ROCK2: variants seen among roughly 807,000 people sequenced by gnomAD.
ROCK2 encodes Rho associated coiled-coil containing protein kinase 2.
Under a neutral mutation model 195.1 loss-of-function variants are expected in ROCK2, and 61 were observed. The ratio of observed to expected loss-of-function variants is 0.31; its 90% CI spans 0.25 to 0.39. ROCK2 has a LOEUF of 0.39. Among genes scored for constraint, ROCK2 ranks in the 10% least tolerant of loss-of-function variants. The pLI is 1.00. For missense variants in ROCK2, 1,109 were observed against 1,637.4 expected (o/e 0.68, Z 5.57); for synonymous variants, 504 against 545.5 (o/e 0.92, Z 1.06).
chr2:11,247,127 T>C (rs114078244), intron 4 of ROCK2, among the ~76,000 whole-genome samples: 3,628 of 152,170 alleles, frequency 0.024, 50 homozygotes, highest in Non-Finnish European at 0.033. Context: ...TGTTGTGTGA[T>C]TGATTTATAG....
intron 1 of ROCK2, among the ~76,000 whole-genome samples, chr2:11,317,586 ATATATATATATATATATATATATATATT>A (rs1558388127): frequency 8.4e-5 from 1 of 11,878 alleles, no homozygotes; most frequent in Non-Finnish European, 1.7e-4. Flanking sequence ...TTATATATAT[ATATATATATATATATATATATATATATT>A]TTTTTTTTTT....
chr2:11,278,740 G>A (rs1666907551), intron 3 of ROCK2, among the ~76,000 whole-genome samples: 1 of 152,122 alleles, frequency 6.6e-6, no homozygotes, highest in South Asian at 2.1e-4. Flanking sequence ...AGCCTCCCAA[G>A]TAGCTGGGAT....
At chr2:11,210,775 A>G (rs1249590379) in intron 18 of ROCK2, among the ~76,000 whole-genome samples, 1 of 152,236 alleles carries the variant, frequency 6.6e-6, no homozygotes, top group Non-Finnish European at 1.5e-5. Context: ...TAGGCCACAG[A>G]CAAGGAAATA....
At chr2:11,237,903 C>A (rs1402717543) in intron 4 of ROCK2, among the ~76,000 whole-genome samples, 1 of 152,074 alleles carries the variant, frequency 6.6e-6, no homozygotes, top group Non-Finnish European at 1.5e-5. Context: ...CATGGCAAAA[C>A]CCCCATCTCT....
intron 4 of ROCK2, among the ~76,000 whole-genome samples, chr2:11,240,180 C>T (rs1254325076): frequency 2.0e-5 from 3 of 152,202 alleles, no homozygotes; most frequent in Non-Finnish European, 4.4e-5. Flanking sequence ...TCCCCCAATA[C>T]CTCCTTCTCC....
intron 32 of ROCK2, among the ~76,000 whole-genome samples, chr2:11,188,781 G>A (rs932091422): frequency 2.7e-5 from 4 of 150,582 alleles, no homozygotes; most frequent in African/African-American, 9.7e-5. Context: ...CTGCCACCAC[G>A]CCCAGCTAAT....
chr2:11,211,908 A>ATTT (rs376149202), intron 17 of ROCK2, 68 bp from the exon 18 acceptor site: 1,901 of 1,011,726 alleles, frequency 1.9e-3, no homozygotes, highest in Non-Finnish European at 2.1e-3. Context: ...AAGCTTTCTA[A>ATTT]TTTTTTTTTT....
At chr2:11,237,745 C>T (rs1251882704) in intron 4 of ROCK2, among the ~76,000 whole-genome samples, 1 of 152,082 alleles carries the variant, frequency 6.6e-6, no homozygotes, top group Non-Finnish European at 1.5e-5. Context: ...ATTGACAGAC[C>T]ATTTTCAAAA....
chr2:11,215,506 A>G lies in ROCK2; in HGVS notation c.1597+4T>C. 1 of 1,612,374 alleles carries G rather than the reference A, an allele frequency of 6.2e-7. No homozygotes were observed. The highest frequency in any genetic ancestry group is 8.5e-7 in the Non-Finnish European group (1 of 1,179,556). The stretch of plus-strand genomic sequence containing the variant: ...ATGAGTAATTAATATTCTACACCAC[A>G]AACCATCATTTTCCAAATTTCGTTT... On this transcript the variant is annotated splice_donor_region_variant and intron_variant, in intron 14 of 32. Coordinates refer to ENST00000315872, the MANE Select transcript of ROCK2 (RefSeq NM_004850.5).
chr2:11,251,369 G>C (rs1275893173), intron 3 of ROCK2, among the ~76,000 whole-genome samples: 1 of 152,240 alleles, frequency 6.6e-6, no homozygotes, highest in East Asian at 1.9e-4. Context: ...GCATGTGCCA[G>C]GCACTGTGTG....
chr2:11,307,234 T>C (rs902277437), intron 1 of ROCK2, among the ~76,000 whole-genome samples: 21 of 152,234 alleles, frequency 1.4e-4, no homozygotes, highest in African/African-American at 4.6e-4. Flanking sequence ...TTATAAATAC[T>C]TTTTTCTCCT....
At chr2:11,296,019 A>AGAGGG (rs1667522316) in intron 1 of ROCK2, among the ~76,000 whole-genome samples, 1 of 109,904 alleles carries the variant, frequency 9.1e-6, no homozygotes, top group Non-Finnish European at 2.1e-5. Context: ...AGAGAGAGAG[A>AGAGGG]GAGAGAGAGA....
intron 3 of ROCK2, among the ~76,000 whole-genome samples, chr2:11,253,507 A>G (rs1665910655): frequency 6.6e-6 from 1 of 152,242 alleles, no homozygotes; most frequent in South Asian, 2.1e-4. Flanking sequence ...TCTCAACCAT[A>G]GAACCCTATT....
At chr2:11,296,052 A>AGAGAGAGAGAGAGAG (rs1558370127) in intron 1 of ROCK2, among the ~76,000 whole-genome samples, 7 of 47,918 alleles carry the variant, frequency 1.5e-4, no homozygotes, top group Non-Finnish European at 2.5e-4. Context: ...GAGAGAGAGA[A>AGAGAGAGAGAGAGAG]AACAAAGGGT....
intron 3 of ROCK2, among the ~76,000 whole-genome samples, chr2:11,252,511 T>C (rs540739291): frequency 7.9e-5 from 12 of 152,302 alleles, no homozygotes; most frequent in South Asian, 6.2e-4. Context: ...CGTATGTTTA[T>C]TGCAGCACTG....
chr2:11,327,945 T>C (rs1312044550), intron 1 of ROCK2, among the ~76,000 whole-genome samples: 1 of 152,208 alleles, frequency 6.6e-6, no homozygotes, highest in Non-Finnish European at 1.5e-5. Flanking sequence ...GTTTTTGTGA[T>C]AAGCTGACAA....
intron 4 of ROCK2, among the ~76,000 whole-genome samples, chr2:11,246,692 T>C (rs1665629795): frequency 6.6e-6 from 1 of 152,106 alleles, no homozygotes; most frequent in Non-Finnish European, 1.5e-5. Context: ...TTAACAAAAA[T>C]GAAAAGTGAT....
At chr2:11,259,858 G>A (rs539486844) in intron 3 of ROCK2, among the ~76,000 whole-genome samples, 1 of 151,270 alleles carries the variant, frequency 6.6e-6, no homozygotes, top group Non-Finnish European at 1.5e-5. Context: ...CAAGAATCAT[G>A]GCTTACATCC....
intron 3 of ROCK2, 93 bp downstream of exon 3, chr2:11,286,446 G>A: frequency 1.3e-6 from 1 of 758,950 alleles, no homozygotes; most frequent in Non-Finnish European, 2.2e-6. Context: ...TGGCATGGGT[G>A]GGCATAGAAA....
Sources: allele counts gnomAD v4.1 joint callset (sites outside exome capture counted in the v4.1 genomes callset), GRCh38; gene constraint gnomAD v4.1.1; transcripts MANE v1.5; gene names NCBI Gene and HGNC (gene_info 2026-07-23, HGNC 2026-07-21).